TMEM245: variants seen among roughly 807,000 people sequenced by gnomAD.
TMEM245 encodes transmembrane protein 245, also known as protein CG-2.
In TMEM245, 69 loss-of-function variants were observed where a neutral mutation model predicts 101.2. That is an observed-to-expected ratio of 0.68 (90% confidence interval 0.56 to 0.83). TMEM245 has a LOEUF of 0.83. TMEM245 is among the 40% of genes least tolerant of loss of function. TMEM245 has a pLI of 0.00. For synonymous variants in TMEM245, 537 were observed against 449.8 expected (o/e 1.19, Z -2.45); for missense variants, 1,075 against 1,092.8 (o/e 0.98, Z 0.23).
rs1329797077 is a variant in TMEM245 at position 109,073,848 on chromosome 9, TTTTTTTTG to T, written c.1450-418_1450-411del. Among the ~76,000 whole-genome samples, 256 of 132,496 alleles carry T rather than the reference TTTTTTTTG, an allele frequency of 1.9e-3. 3 individuals are homozygous for T. Among genetic ancestry groups the T allele is most frequent in the African/African-American group, 6.3e-3 (235 of 37,036 alleles). 86.9% of individuals were successfully genotyped at this position (132,496 alleles called of 152,430 possible). A position where few individuals can be genotyped will look rare whatever the true frequency, so the allele number is the denominator to read the frequency against. On this transcript the variant is annotated intron_variant, in intron 8 of 17. Transcript: ENST00000374586. Reference sequence around the variant, plus strand: ...AACAGGCAAATAAGGAACTAACTTTTTTTTTTTGTTTTTTTTTTTTTTTTTTTAGCCAG... The same window carrying T: ...AACAGGCAAATAAGGAACTAACTTTTTTTTTTTTTTTTTTTTTTTAGCCAG...
At chr9:109,048,564 TA>T (rs1418087435) in intron 14 of TMEM245, among the ~76,000 whole-genome samples, 3 of 152,218 alleles carry the variant, frequency 2.0e-5, no homozygotes, top group African/African-American at 7.2e-5. Context: ...GTTAACAACG[TA>T]TTAGAAAAAG....
intron 11 of TMEM245, among the ~76,000 whole-genome samples, chr9:109,058,454 A>C (rs1469672322): frequency 1.3e-5 from 2 of 152,166 alleles, no homozygotes; most frequent in East Asian, 3.9e-4. Context: ...GATAAGGGCC[A>C]GGTAAAATGG....
intron 14 of TMEM245, among the ~76,000 whole-genome samples, chr9:109,041,691 G>T (rs1828315294): frequency 6.6e-6 from 1 of 151,730 alleles, no homozygotes; most frequent in Non-Finnish European, 1.5e-5. Flanking sequence ...ATAATGCATT[G>T]TATACTTGAA....
In TMEM245 at chr9:109,050,273, T is replaced by C. The variant is rs771903541; in HGVS notation, c.2123+10A>G. 6.2e-7 allele frequency: 1 copy of C among 1,613,792 alleles called. No individual in the cohort carries two copies. Among genetic ancestry groups the C allele is most frequent in the Non-Finnish European group, 8.5e-7 (1 of 1,179,934 alleles). On this transcript the variant is annotated intron_variant, in intron 14 of 17. Coordinates refer to ENST00000374586, the MANE Select transcript of TMEM245 (RefSeq NM_032012.4). ...GGGAGAAATAAGAATAGCATAAACC[T>C]TATCCCTACCTGATAGCTTCTTCCA...
At chr9:109,036,412 C>T (rs778940760) in intron 15 of TMEM245, 32 bp from the exon 16 acceptor site, 3 of 1,541,740 alleles carry the variant, frequency 1.9e-6, no homozygotes, top group Non-Finnish European at 1.7e-6. Context: ...AACAACTTAA[C>T]ATCATCAGCA....
chr9:109,097,843 C>A (rs1830180921), intron 3 of TMEM245, among the ~76,000 whole-genome samples: 1 of 152,196 alleles, frequency 6.6e-6, no homozygotes, highest in Admixed American at 6.6e-5. Flanking sequence ...ATCACTTGAA[C>A]CCGGGAGGCA....
intron 14 of TMEM245, 130 bp downstream of exon 14, chr9:109,050,153 A>C: frequency 9.3e-7 from 1 of 1,076,428 alleles, no homozygotes; most frequent in Non-Finnish European, 1.3e-6. Flanking sequence ...ATGAGATGAA[A>C]ACCTTGAAAA....
chr9:109,037,815 G>T (rs1057197901), intron 15 of TMEM245, among the ~76,000 whole-genome samples: 1 of 152,010 alleles, frequency 6.6e-6, no homozygotes, highest in Non-Finnish European at 1.5e-5. Context: ...CTATGTGCTG[G>T]GTATGGTTCC....
In TMEM245 at chr9:109,036,272, A is replaced by C. The variant is rs1468678190; in HGVS notation, c.2333T>G (p.Leu778Ter). Residue 778 changes from leucine (L) to a stop codon, truncating the protein, a stop_gained, in exon 16 of 18, where the codon TTA becomes TGA. Coordinates refer to ENST00000374586, the MANE Select transcript of TMEM245 (RefSeq NM_032012.4). LOFTEE classifies it high-confidence loss of function. ...TGGCAAGAGATGAAAAATCAACAGTAAAATGGCCTTGCATCCTAACCCTTG... is the reference window on the plus strand; with the variant it reads ...TGGCAAGAGATGAAAAATCAACAGTCAAATGGCCTTGCATCCTAACCCTTG... Reference protein sequence around the residue: ...LTQGLGCKAILLLIFHLLPTY... With the variant: ...LTQGLGCKAI 1 of 1,613,732 alleles carries C rather than the reference A, an allele frequency of 6.2e-7. No homozygotes were observed. Among genetic ancestry groups the C allele is most frequent in the Admixed American group, 1.7e-5 (1 of 59,868 alleles).
chr9:109,040,012 G>A (rs1254845107), intron 14 of TMEM245, among the ~76,000 whole-genome samples: 1 of 152,104 alleles, frequency 6.6e-6, no homozygotes, highest in Non-Finnish European at 1.5e-5. Context: ...CACCCCTCTG[G>A]GTGGCAAGTA....
intron 16 of TMEM245, among the ~76,000 whole-genome samples, chr9:109,035,156 CAAAAAAAAAAAA>C (rs778574292): frequency 3.9e-5 from 2 of 51,324 alleles, no homozygotes; most frequent in Non-Finnish European, 7.5e-5. Flanking sequence ...GACTCTGTCT[CAAAAAAAAAAAA>C]AAAAAAAAAA....
At chr9:109,090,388 A>G (rs1037608436) in intron 5 of TMEM245, among the ~76,000 whole-genome samples, 7 of 152,146 alleles carry the variant, frequency 4.6e-5, no homozygotes, top group Non-Finnish European at 8.8e-5. Flanking sequence ...CTCAAATACT[A>G]CATGAAATTG....
chr9:109,082,440 C>A (rs1829691441), intron 7 of TMEM245, among the ~76,000 whole-genome samples: 1 of 152,048 alleles, frequency 6.6e-6, no homozygotes, highest in African/African-American at 2.4e-5. Flanking sequence ...AATCAGAAAC[C>A]AATTGAAAAC....
At chr9:109,052,330 A>G (rs1047868876) in intron 12 of TMEM245, among the ~76,000 whole-genome samples, 3 of 152,240 alleles carry the variant, frequency 2.0e-5, no homozygotes, top group South Asian at 2.1e-4. Context: ...AAGCTCACAA[A>G]TTTTTAGAAA....
At chr9:109,032,372 T>TCC (rs1564170167) in intron 17 of TMEM245, among the ~76,000 whole-genome samples, 5 of 34,374 alleles carry the variant, frequency 1.5e-4, no homozygotes, top group African/African-American at 2.1e-4. Flanking sequence ...TTCCTTTTTT[T>TCC]TTTTTTTTTT....
rs545572034 is a variant in TMEM245, at chr9:109,067,621, G to T, written c.1533-3054C>A. ...GCCATCTCCTAATGAGGGTCCTGAG[G>T]CACAGGAATCAACAGGCTTGAGACA... On this transcript the variant is annotated intron_variant, in intron 9 of 17. Coordinates refer to ENST00000374586, the MANE Select transcript of TMEM245 (RefSeq NM_032012.4). 2.0e-5 allele frequency among the ~76,000 whole-genome samples: 3 copies of T among 152,294 alleles called. No individual in the cohort carries two copies. In the South Asian group the frequency reaches 6.2e-4, roughly 32 times the overall value.
intron 3 of TMEM245, 97 bp downstream of exon 3, chr9:109,106,411 T>C (rs931977714): frequency 1.5e-6 from 1 of 681,244 alleles, no homozygotes; most frequent in Non-Finnish European, 2.3e-6. Flanking sequence ...CATAGGTTTT[T>C]AAATAGATTC....
rs148413458 is a variant in TMEM245 at position 109,076,278 on chromosome 9, A to G, written c.1450-2840T>C. ...AACCATTCTCAGCAAACTATCGCAA[A>G]GACAAAAAACCAAACACCACATGTT... On this transcript the variant is annotated intron_variant, in intron 8 of 17. Transcript: ENST00000374586. 1.1e-4 allele frequency among the ~76,000 whole-genome samples: 16 copies of G among 151,748 alleles called. No individual in the cohort carries two copies. In the East Asian group the frequency reaches 3.1e-3, roughly 30 times the overall value.
intron 3 of TMEM245, among the ~76,000 whole-genome samples, chr9:109,103,049 C>G (rs1830320748): frequency 6.6e-6 from 1 of 152,166 alleles, no homozygotes; most frequent in African/African-American, 2.4e-5. Flanking sequence ...AGCCAGGGTA[C>G]CTCAAAATAA....
Sources: gnomAD v4.1 joint callset for allele counts (sites outside exome capture counted in the v4.1 genomes callset) on GRCh38, gnomAD v4.1.1 for gene constraint, MANE v1.5 for transcripts, NCBI Gene and HGNC (gene_info 2026-07-23, HGNC 2026-07-21) for gene names.